PTBP2: variants seen among roughly 807,000 people sequenced by gnomAD.
PTBP2 encodes polypyrimidine tract binding protein 2, also known as polypyrimidine tract-binding protein 2.
A neutral mutation model predicts 61.4 loss-of-function variants in PTBP2; 13 were observed. That is an observed-to-expected ratio of 0.21 (90% CI 0.14 to 0.34). The LOEUF (loss-of-function observed/expected upper bound fraction) is 0.34, where lower values mean the gene tolerates loss of function less well. PTBP2 is among the 10% of genes least tolerant of loss of function. The pLI, the probability that PTBP2 is intolerant of heterozygous loss-of-function variation, is 1.00. For synonymous variants in PTBP2, 215 were observed against 218.5 expected, an observed-to-expected ratio of 0.98 and a Z score of 0.14; for missense variants, 405 against 642.6, an observed-to-expected ratio of 0.63 and a Z score of 4.00.
At chr1:96,792,883 C>T (rs1393115631) in intron 8 of PTBP2, among the ~76,000 whole-genome samples, 1 of 151,786 alleles carries the variant, frequency 6.6e-6, no homozygotes, top group Non-Finnish European at 1.5e-5. Context: ...AACCAAAAAA[C>T]TCATCTACTG....
At chr1:96,761,704 GAAT>G (rs1006378345) in intron 3 of PTBP2, among the ~76,000 whole-genome samples, 14 of 152,164 alleles carry the variant, frequency 9.2e-5, no homozygotes, top group Non-Finnish European at 1.6e-4. Context: ...TGGGAAAAAA[GAAT>G]AATCCGCTAC....
In PTBP2 at chr1:96,799,294, C is replaced by CTTTTTTTTTTTTTTTTTTTTTTTTTTTT. The variant is rs373815292; in HGVS notation, c.905-5487_905-5486insTTTTTTTTTTTTTTTTTTTTTTTTTTTT. 6.1e-4 allele frequency among the ~76,000 whole-genome samples: 56 copies of CTTTTTTTTTTTTTTTTTTTTTTTTTTTT among 92,164 alleles called. 7 individuals carry two copies. Among genetic ancestry groups the CTTTTTTTTTTTTTTTTTTTTTTTTTTTT allele is most frequent in the East Asian group, 1.6e-3 (5 of 3,090 alleles). The allele number at this position is 92,164 out of a possible 152,430, so 60.5% of individuals were successfully genotyped here. On this transcript the variant is annotated intron_variant, in intron 8 of 13. Transcript: ENST00000674951. ...ATAGCAATCCTCAGAATAGATCAAG[C>CTTTTTTTTTTTTTTTTTTTTTTTTTTTT]TTTTTTTTTTTTTTTTTTTGAGATG...
intron 8 of PTBP2, among the ~76,000 whole-genome samples, chr1:96,788,788 A>T (rs1229009620): frequency 1.3e-5 from 2 of 152,038 alleles, no homozygotes; most frequent in East Asian, 3.8e-4. Flanking sequence ...TAATTGATTT[A>T]TTTTACACAG....
intron 3 of PTBP2, 122 bp from the exon 4 acceptor site, chr1:96,769,581 T>A: frequency 1.7e-6 from 1 of 605,314 alleles, no homozygotes; most frequent in Non-Finnish European, 2.6e-6. Context: ...AAGAATTATT[T>A]AAGTATTCTC....
chr1:96,777,268 C>T (rs533123077), intron 5 of PTBP2, among the ~76,000 whole-genome samples: 1 of 152,224 alleles, frequency 6.6e-6, no homozygotes, highest in Non-Finnish European at 1.5e-5. Context: ...CTGTTTAAAA[C>T]ATTTTCTGAT....
chr1:96,786,190 A>T lies in PTBP2; in HGVS notation c.904+936A>T, dbSNP rs577988966. On this transcript the variant is annotated intron_variant, in intron 8 of 13. Coordinates refer to ENST00000674951, the MANE Select transcript of PTBP2 (RefSeq NM_021190.4). ...TGGAAATATTTACTTCCCAATATAT[A>T]ACAGTCATGCCATCAGTTTGTGAAT... Among the ~76,000 whole-genome samples, 10 of 152,324 alleles carry T rather than the reference A, an allele frequency of 6.6e-5. No individual in the cohort carries two copies. The South Asian group carries it at 2.1e-3, about 32-fold the overall frequency.
chr1:96,762,213 T>C (rs1213361313), intron 3 of PTBP2, among the ~76,000 whole-genome samples: 1 of 150,942 alleles, frequency 6.6e-6, no homozygotes, highest in East Asian at 2.0e-4. Flanking sequence ...ACCGCCATTG[T>C]CATCATGGCC....
intron 8 of PTBP2, among the ~76,000 whole-genome samples, chr1:96,800,913 GA>G (rs200870302): frequency 0.02 from 2,974 of 147,206 alleles, 96 homozygotes; most frequent in African/African-American, 0.068. Context: ...CAGATTTCAA[GA>G]AAAAAAAAAT....
chr1:96,819,029 A>G (rs1222513333), downstream of PTBP2: 1 of 152,066 alleles, frequency 6.6e-6, no homozygotes, highest in African/African-American at 2.4e-5. Context: ...CAGTATGATT[A>G]GTGTTAAAAG....
rs948221846 is a variant in PTBP2, at chr1:96,721,857, G to A, written c.-8G>A. The A allele has an allele frequency of 6.4e-7, 1 of 1,571,462 alleles. No homozygotes were observed. Among genetic ancestry groups the A allele is most frequent in the South Asian group, 1.2e-5 (1 of 85,442 alleles). On this transcript the variant is annotated 5_prime_UTR_variant, in exon 1 of 14. Coordinates refer to ENST00000674951, the MANE Select transcript of PTBP2 (RefSeq NM_021190.4). ...GTTCTTGTGAGCGAAGCTTTGTCCG[G>A]TTCGGCAATGGACGGGTATGTAATC...
chr1:96,815,585 T>TAG (rs1161955744), downstream of PTBP2: 1 of 152,186 alleles, frequency 6.6e-6, no homozygotes, highest in East Asian at 1.9e-4. Flanking sequence ...GAGTTACACA[T>TAG]GTTTCTTAGG....
intron 2 of PTBP2, among the ~76,000 whole-genome samples, chr1:96,741,094 T>A (rs1169261654): frequency 6.6e-6 from 1 of 152,148 alleles, no homozygotes; most frequent in Non-Finnish European, 1.5e-5. Context: ...ATTGTTGGAC[T>A]TTTTAATTTT....
rs375460178 is a variant in PTBP2, at chr1:96,741,453, A to T, written c.40-9972A>T. Among the ~76,000 whole-genome samples, 10 of 152,088 alleles carry T rather than the reference A, an allele frequency of 6.6e-5. No individual in the cohort carries two copies. In the South Asian group the frequency reaches 1.0e-3, roughly 16 times the overall value. The stretch of plus-strand genomic sequence containing the variant: ...TTTTTCAATTTTTTTGTAGAGATGG[A>T]GTCTCACTGTATTACCCAGGTTTGT... On this transcript the variant is annotated intron_variant, in intron 2 of 13. Coordinates refer to ENST00000674951, the MANE Select transcript of PTBP2 (RefSeq NM_021190.4).
intron 11 of PTBP2, among the ~76,000 whole-genome samples, chr1:96,810,205 A>T (rs981434794): frequency 6.6e-6 from 1 of 152,210 alleles, no homozygotes; most frequent in Non-Finnish European, 1.5e-5. Context: ...TGTCATTTCA[A>T]TTGTGAAACA....
chr1:96,731,611 A>G (rs1037873234), intron 2 of PTBP2, among the ~76,000 whole-genome samples: 1 of 152,148 alleles, frequency 6.6e-6, no homozygotes, highest in African/African-American at 2.4e-5. Flanking sequence ...TCTAATGTTA[A>G]TGTATTTACA....
intron 11 of PTBP2, among the ~76,000 whole-genome samples, chr1:96,810,812 A>G (rs1243437629): frequency 1.3e-5 from 2 of 152,196 alleles, no homozygotes; most frequent in Non-Finnish European, 2.9e-5. Context: ...AAATTTTATA[A>G]TTCAGTGGGT....
At chr1:96,740,798 T>C (rs910169325) in intron 2 of PTBP2, among the ~76,000 whole-genome samples, 4 of 152,008 alleles carry the variant, frequency 2.6e-5, no homozygotes, top group African/African-American at 9.7e-5. Context: ...TATATATATA[T>C]ATTTTCATTG....
chr1:96,754,663 G>A (rs1654958205), intron 3 of PTBP2, among the ~76,000 whole-genome samples: 2 of 152,076 alleles, frequency 1.3e-5, no homozygotes, highest in Admixed American at 1.3e-4. Context: ...AAGATAAATA[G>A]GTCAGTGAGA....
chr1:96,765,708 T>TCAGATAGATAGA (rs142433685), intron 3 of PTBP2, among the ~76,000 whole-genome samples: 4 of 147,278 alleles, frequency 2.7e-5, no homozygotes, highest in Non-Finnish European at 6.0e-5. Flanking sequence ...AGACTCTGTC[T>TCAGATAGATAGA]TAGATAGATA....
Sources: gnomAD v4.1 joint callset for allele counts (sites outside exome capture counted in the v4.1 genomes callset) on GRCh38, gnomAD v4.1.1 for gene constraint, MANE v1.5 for transcripts, NCBI Gene and HGNC (gene_info 2026-07-23, HGNC 2026-07-21) for gene names.